Variants in WDR33 observed in about 807,000 individuals in gnomAD.
WDR33 encodes the protein pre-mRNA 3' end processing protein WDR33.
WDR33 carries 47 observed loss-of-function variants against 164.9 expected under a neutral mutation model. The observed-to-expected ratio is 0.29, with a 90% CI of 0.23 to 0.36. The LOEUF (loss-of-function observed/expected upper bound fraction) is 0.36. WDR33 is among the 10% of genes least tolerant of loss of function. The pLI, the probability that WDR33 is intolerant of heterozygous loss-of-function variation, is 1.00. For missense variants in WDR33, 1,137 were observed against 1,754.1 expected (o/e 0.65, Z 6.28); for synonymous variants, 505 against 589.0 (o/e 0.86, Z 2.06).
chr2:127,724,864 T>A lies in WDR33; in HGVS notation c.1085+23A>T, dbSNP rs1337327422. 2 of 1,613,096 alleles carry A rather than the reference T, an allele frequency of 1.2e-6. No individual in the cohort carries two copies. Among genetic ancestry groups the A allele is most frequent in the Non-Finnish European group, 1.7e-6 (2 of 1,179,214 alleles). On this transcript the variant is annotated intron_variant, in intron 10 of 21. Coordinates refer to ENST00000322313, the MANE Select transcript of WDR33 (RefSeq NM_018383.5). The surrounding 1 kb of genome is among the most constrained non-coding windows in gnomAD (Gnocchi z 4.8). ...GTGCTCTCTTCACAAAATACACTAC[T>A]TTTTCACATAAATCTTACATACCCA...
In WDR33 at chr2:127,719,427, C is replaced by G. The variant is rs1686374742; in HGVS notation, c.2598G>C (p.Gln866His). The change falls in exon 16 of 22, where the codon CAG (glutamine) becomes CAC (histidine). Residue 866 changes from glutamine (Q) to histidine (H), a missense_variant. Gln to His is a conservative substitution (Grantham distance 24, BLOSUM62 0). Transcript: ENST00000322313. This position sits in a 1 kb window ranked among gnomAD's most constrained non-coding sequence, Gnocchi z 6.5. ...PGSQSQQGPP[Q>H]GSLGPPPQGG... The stretch of plus-strand genomic sequence containing the variant: ...CCTGGGGTGGAGGTCCTAAAGAGCC[C>G]TGGGGCGGCCCCTGCTGACTTTGTG... 1.3e-6 allele frequency: 2 copies of G among 1,557,718 alleles called. No individual in the cohort carries two copies. Among genetic ancestry groups the G allele is most frequent in the South Asian group, 1.2e-5 (1 of 81,934 alleles).
chr2:127,741,055 T>G lies in WDR33; in HGVS notation c.725-14278A>C, dbSNP rs946925045. Among the ~76,000 whole-genome samples the G allele has an allele frequency of 2.6e-5, 4 of 152,202 alleles. No individual in the cohort carries two copies. The highest frequency in any genetic ancestry group is 9.7e-5 in the African/African-American group (4 of 41,438). On this transcript the variant is annotated intron_variant, in intron 7 of 21. Transcript: ENST00000322313. This position sits in a 1 kb window ranked among gnomAD's most constrained non-coding sequence, Gnocchi z 4.1. ...GTGGCAAAGGCTCAGTGACAAAGGC[T>G]GTGATGAAGTAATGAGGGTAATTAT...
At chr2:127,791,563 G>C (rs1481930046) in intron 1 of WDR33, among the ~76,000 whole-genome samples, 1 of 152,042 alleles carries the variant, frequency 6.6e-6, no homozygotes, top group Non-Finnish European at 1.5e-5. Flanking sequence ...CCCATCATGA[G>C]GGCCCCAACC....
At chr2:127,778,616 C>G (rs934145562) in intron 1 of WDR33, among the ~76,000 whole-genome samples, 2 of 152,070 alleles carry the variant, frequency 1.3e-5, no homozygotes, top group East Asian at 3.9e-4. Context: ...CACTGAGACA[C>G]TACTACGCTG....
At chr2:127,745,807 T>A (rs1573909018) in intron 7 of WDR33, among the ~76,000 whole-genome samples, 1 of 152,160 alleles carries the variant, frequency 6.6e-6, no homozygotes, top group Non-Finnish European at 1.5e-5. Flanking sequence ...TTTACCTAAC[T>A]AGAACTCAAA....
At chr2:127,737,568 T>C (rs1316564810) in intron 7 of WDR33, 1 of 987,644 alleles carries the variant, frequency 1.0e-6, no homozygotes, top group African/African-American at 1.7e-5. Flanking sequence ...ATACCAAGAC[T>C]ATTAGAAAGG....
chr2:127,735,788 TA>T lies in WDR33; in HGVS notation c.725-9012del. On this transcript the variant is annotated intron_variant, in intron 7 of 21. Coordinates refer to ENST00000322313, the MANE Select transcript of WDR33 (RefSeq NM_018383.5). The surrounding 1 kb of genome is among the most constrained non-coding windows in gnomAD (Gnocchi z 4.3). Reference sequence around the variant, plus strand: ...AGTAATCTGTGCTCTGGTCAAGGAATATGCAATTTATTAGTATTTTACCTTC... The same window carrying T: ...AGTAATCTGTGCTCTGGTCAAGGAATTGCAATTTATTAGTATTTTACCTTC... The T allele has an allele frequency of 1.0e-6, 1 of 985,450 alleles. No individual in the cohort carries two copies. The highest frequency in any genetic ancestry group is 1.2e-6 in the Non-Finnish European group (1 of 829,924). 61.0% of individuals were successfully genotyped at this position (985,450 alleles called of 1,614,324 possible). A position where few individuals can be genotyped will look rare whatever the true frequency, so the allele number is the denominator to read the frequency against.
chr2:127,767,155 C>T lies in WDR33; in HGVS notation c.378+1034G>A, dbSNP rs200898160. ...TCTCTCCCAGGACTTCTTGGTTCTC[C>T]CTGCTCTCTATCATACTCCTCTGAT... On this transcript the variant is annotated intron_variant, in intron 4 of 21. Transcript: ENST00000322313. Among the ~76,000 whole-genome samples the T allele has an allele frequency of 4.6e-5, 7 of 152,180 alleles. No homozygotes were observed. In the East Asian group the frequency reaches 1.4e-3, roughly 29 times the overall value.
Position 127,703,931 on chromosome 2 carries a change from AAC to A in WDR33, c.*2390_*2391del. 6.0e-6 allele frequency: 1 copy of A among 166,904 alleles called. No homozygotes were observed. The highest frequency in any genetic ancestry group is 1.9e-4 in the East Asian group (1 of 5,192). The allele number at this position is 166,904 out of a possible 1,614,324, so 10.3% of individuals were successfully genotyped here. On this transcript the variant is annotated 3_prime_UTR_variant, in exon 22 of 22. Coordinates refer to ENST00000322313, the MANE Select transcript of WDR33 (RefSeq NM_018383.5). The stretch of plus-strand genomic sequence containing the variant: ...CCAGGAGTTCAAGACCAGCCTGGGC[AAC>A]ACAGTTAAACCCCATCGCCACAGAA...
At chr2:127,711,764 A>ATTTTTTTTTT (rs1206674701) in intron 18 of WDR33, among the ~76,000 whole-genome samples, 3 of 74,620 alleles carry the variant, frequency 4.0e-5, no homozygotes, top group African/African-American at 3.7e-4. Flanking sequence ...ATATATATAT[A>ATTTTTTTTTT]TATATATATA....
At position 127,702,209 on chromosome 2, in the gene WDR33, C is replaced by G; in HGVS notation, c.*4114G>C. On this transcript the variant is annotated 3_prime_UTR_variant, in exon 22 of 22. Coordinates refer to ENST00000322313, the MANE Select transcript of WDR33 (RefSeq NM_018383.5). ...GCGCCCTCGCCGCTGGGGAAGTACGCGGAGCCAGCGCCGTCGGAGACCGCG... is the reference window on the plus strand; with the variant it reads ...GCGCCCTCGCCGCTGGGGAAGTACGGGGAGCCAGCGCCGTCGGAGACCGCG... 1 of 1,209,324 alleles carries G rather than the reference C, an allele frequency of 8.3e-7. No individual in the cohort carries two copies. Among genetic ancestry groups the G allele is most frequent in the Non-Finnish European group, 1.0e-6 (1 of 969,790 alleles). 74.9% of individuals were successfully genotyped at this position (1,209,324 alleles called of 1,614,324 possible).
At chr2:127,711,780 A>ATATTTTTTTTTTTTTTTTT in intron 18 of WDR33, among the ~76,000 whole-genome samples, 2 of 88,306 alleles carry the variant, frequency 2.3e-5, no homozygotes, top group African/African-American at 6.5e-5. Context: ...ATATATATAT[A>ATATTTTTTTTTTTTTTTTT]TTTTTTTTTT....
At chr2:127,746,286 A>AAAG (rs147871926) in intron 7 of WDR33, among the ~76,000 whole-genome samples, 3,242 of 152,300 alleles carry the variant, frequency 0.021, 122 homozygotes, top group African/African-American at 0.075. Flanking sequence ...TCACTACTGA[A>AAAG]AAGATAATCA....
intron 7 of WDR33, among the ~76,000 whole-genome samples, chr2:127,757,077 CAAAAA>C (rs11381814): frequency 1.2e-5 from 1 of 85,072 alleles, no homozygotes. Context: ...AACCTGTCTC[CAAAAA>C]AAAAAAAAAA....
Position 127,770,338 on chromosome 2 carries a change from T to G in WDR33, c.204+440A>C, listed in dbSNP as rs1687960843. ...AATTTGAAATTCCACCGTGTCCCAC[T>G]AATTCAACTAACACAGGTATACATA... On this transcript the variant is annotated intron_variant, in intron 2 of 21. Coordinates refer to ENST00000322313, the MANE Select transcript of WDR33 (RefSeq NM_018383.5). The surrounding 1 kb of genome is among the most constrained non-coding windows in gnomAD (Gnocchi z 4.9). Among the ~76,000 whole-genome samples the G allele has an allele frequency of 6.6e-6, 1 of 152,220 alleles. No homozygotes were observed. The highest frequency in any genetic ancestry group is 2.4e-5 in the African/African-American group (1 of 41,462).
chr2:127,790,311 T>C (rs906625986), intron 1 of WDR33, among the ~76,000 whole-genome samples: 1 of 152,222 alleles, frequency 6.6e-6, no homozygotes, highest in African/African-American at 2.4e-5. Context: ...CAATGTATTA[T>C]CCTTTTTATA....
At position 127,794,833 on chromosome 2, in the gene WDR33, CAAAA is replaced by C. The variant is rs990234716; in HGVS notation, c.-24+16175_-24+16178del. 2.0e-4 allele frequency among the ~76,000 whole-genome samples: 16 copies of C among 79,258 alleles called. 1 individual carries two copies. Among genetic ancestry groups the C allele is most frequent in the South Asian group, 9.4e-4 (2 of 2,138 alleles). 52.0% of individuals were successfully genotyped at this position (79,258 alleles called of 152,430 possible). A position where few individuals can be genotyped will look rare whatever the true frequency, so the allele number is the denominator to read the frequency against. ...TGGGCGACAAAGCGAGACTCCGTTT[CAAAA>C]AAAAAAAAAAAAAAAGAAAGAAAGA... is the stretch of plus-strand genomic sequence containing the variant. On this transcript the variant is annotated intron_variant, in intron 1 of 21. Coordinates refer to ENST00000322313, the MANE Select transcript of WDR33 (RefSeq NM_018383.5).
intron 1 of WDR33, among the ~76,000 whole-genome samples, chr2:127,808,973 C>T (rs79051038): frequency 4.8e-5 from 7 of 144,618 alleles, no homozygotes; most frequent in Admixed American, 3.7e-4. Flanking sequence ...GAGCTTGCAG[C>T]GAGCCAAAGA....
Position 127,766,552 on chromosome 2 carries a change from T to G in WDR33, c.379-1283A>C, listed in dbSNP as rs190089966. Among the ~76,000 whole-genome samples the G allele has an allele frequency of 9.2e-4, 140 of 152,318 alleles. No individual in the cohort carries two copies. In the East Asian group the frequency reaches 0.019, roughly 21 times the overall value. On this transcript the variant is annotated intron_variant, in intron 4 of 21. Coordinates refer to ENST00000322313, the MANE Select transcript of WDR33 (RefSeq NM_018383.5). ...TGATTTTGACTGTGCCTCTACTATG[T>G]GCAAATTCTTCCTCAAACCTTATAG...
Sources: allele counts gnomAD v4.1 joint callset (sites outside exome capture counted in the v4.1 genomes callset), GRCh38; gene constraint gnomAD v4.1.1; non-coding constraint Gnocchi (gnomAD v3.1); transcripts MANE v1.5; gene names NCBI Gene and HGNC (gene_info 2026-07-23, HGNC 2026-07-21).